FGF14: variants seen among roughly 807,000 people sequenced by gnomAD.
FGF14 encodes the protein fibroblast growth factor 14.
FGF14 carries 5 observed loss-of-function variants against 25.5 expected under a neutral mutation model. That is an observed-to-expected ratio of 0.20 (90% CI 0.10 to 0.41). The LOEUF (loss-of-function observed/expected upper bound fraction) is 0.41. Among genes scored for constraint, FGF14 ranks in the 10% least tolerant of loss-of-function variants. The pLI is 1.00. For missense variants in FGF14, 222 were observed against 320.1 expected (o/e 0.69, Z 2.34); for synonymous variants, 138 against 118.3 (o/e 1.17, Z -1.08).
intron 1 of FGF14, among the ~76,000 whole-genome samples, chr13:101,913,929 A>G (rs2033210558): frequency 6.6e-6 from 1 of 151,896 alleles, no homozygotes; most frequent in Non-Finnish European, 1.5e-5. Flanking sequence ...CATGTTTGTG[A>G]GCTCCATGAT....
At chr13:101,724,837 A>G (rs1274451906) in intron 4 of FGF14, among the ~76,000 whole-genome samples, 1 of 151,420 alleles carries the variant, frequency 6.6e-6, no homozygotes, top group African/African-American at 2.4e-5. Flanking sequence ...TAATTTTTTG[A>G]AAACATAAAA....
intron 1 of FGF14, among the ~76,000 whole-genome samples, chr13:102,262,328 A>C (rs1458676366): frequency 6.6e-6 from 1 of 152,162 alleles, no homozygotes; most frequent in African/African-American, 2.4e-5. Context: ...ATTCAGAATC[A>C]TTATTTCCTA....
chr13:101,934,887 G>T (rs912157), intron 1 of FGF14, among the ~76,000 whole-genome samples: 6,463 of 152,082 alleles, frequency 0.042, 357 homozygotes, highest in African/African-American at 0.13. Flanking sequence ...TTTTAATATT[G>T]TTCAGTGAGG....
At chr13:102,258,312 CAT>C (rs751636011) in intron 1 of FGF14, among the ~76,000 whole-genome samples, 82 of 152,162 alleles carry the variant, frequency 5.4e-4, no homozygotes, top group Non-Finnish European at 9.9e-4. Context: ...CTTCAGCCCA[CAT>C]GTGAGGGACA....
chr13:102,005,184 C>T (rs2039715102), intron 1 of FGF14, among the ~76,000 whole-genome samples: 1 of 152,148 alleles, frequency 6.6e-6, no homozygotes, highest in African/African-American at 2.4e-5. Flanking sequence ...GCAAGTTTTG[C>T]TTTAGTACCT....
intron 1 of FGF14, among the ~76,000 whole-genome samples, chr13:102,091,497 T>G (rs7336195): frequency 0.016 from 2,378 of 152,282 alleles, 79 homozygotes; most frequent in African/African-American, 0.054. Flanking sequence ...TGGCAGCAGC[T>G]GAATACAGTT....
chr13:101,916,727 A>C lies in FGF14; in HGVS notation c.-82T>G. The C allele has an allele frequency of 7.8e-7, 1 of 1,275,324 alleles. No individual in the cohort carries two copies. The highest frequency in any genetic ancestry group is 1.0e-6 in the Non-Finnish European group (1 of 952,766). 79.0% of individuals were successfully genotyped at this position (1,275,324 alleles called of 1,614,324 possible). ...GCACCGGAGGGGAAGGCGGCGGCGCAGACCGTGGCTCGCCCTCGGGGCAGA... is the reference window on the plus strand; with the variant it reads ...GCACCGGAGGGGAAGGCGGCGGCGCCGACCGTGGCTCGCCCTCGGGGCAGA... On this transcript the variant is annotated 5_prime_UTR_variant, in exon 1 of 5. Coordinates refer to ENST00000376143, the MANE Select transcript of FGF14 (RefSeq NM_004115.4).
intron 1 of FGF14, among the ~76,000 whole-genome samples, chr13:101,915,237 TA>T (rs537118072): frequency 5.3e-5 from 8 of 151,196 alleles, no homozygotes; most frequent in South Asian, 4.2e-4. Flanking sequence ...CATTAGCCTT[TA>T]AAAAAAAAGC....
chr13:101,740,181 G>A (rs768445414), intron 3 of FGF14, among the ~76,000 whole-genome samples: 6 of 152,158 alleles, frequency 3.9e-5, no homozygotes, highest in South Asian at 2.1e-4. Flanking sequence ...GTAGCTTGCC[G>A]ATGTTCCCAG....
chr13:101,930,278 T>C (rs2034660444), intron 1 of FGF14, among the ~76,000 whole-genome samples: 1 of 152,192 alleles, frequency 6.6e-6, no homozygotes, highest in Non-Finnish European at 1.5e-5. Flanking sequence ...AACTTCAGTA[T>C]AGCTTTTTAG....
chr13:102,354,957 C>A (rs533008306), intron 1 of FGF14, among the ~76,000 whole-genome samples: 13 of 152,102 alleles, frequency 8.5e-5, no homozygotes, highest in Non-Finnish European at 1.9e-4. Flanking sequence ...TCAGCTGCAG[C>A]TGGTCATACC....
At chr13:102,099,867 T>C (rs906616073) in intron 1 of FGF14, among the ~76,000 whole-genome samples, 1 of 152,196 alleles carries the variant, frequency 6.6e-6, no homozygotes, top group Non-Finnish European at 1.5e-5. Flanking sequence ...AGCAATGGGA[T>C]ATTTGATATT....
intron 3 of FGF14, among the ~76,000 whole-genome samples, chr13:101,849,618 T>C (rs2043643760): frequency 6.6e-6 from 1 of 152,046 alleles, no homozygotes; most frequent in Non-Finnish European, 1.5e-5. Flanking sequence ...TAGACAAATA[T>C]GAGGAAACAT....
intron 1 of FGF14, among the ~76,000 whole-genome samples, chr13:102,364,098 T>A (rs535079704): frequency 3.6e-4 from 55 of 152,348 alleles, no homozygotes; most frequent in African/African-American, 1.3e-3. Context: ...TTATTGCTAC[T>A]TTTTTATTAT....
At chr13:101,968,027 T>C (rs1291424658) in intron 1 of FGF14, among the ~76,000 whole-genome samples, 8 of 152,224 alleles carry the variant, frequency 5.3e-5, no homozygotes, top group African/African-American at 1.7e-4. Context: ...TGTAGCTCTC[T>C]GCTAACACTT....
rs1566764889 is a variant in FGF14, at chr13:102,161,635, AAGAAGAAGAAGAAGAAGAAG to A, written c.208+239816_208+239835del. Among the ~76,000 whole-genome samples the A allele has an allele frequency of 6.1e-4, 7 of 11,414 alleles. 2 individuals are homozygous for A. The highest frequency in any genetic ancestry group is 1.4e-3 in the Admixed American group (1 of 712). The allele number at this position is 11,414 out of a possible 152,430, so 7.5% of individuals were successfully genotyped here. A position where few individuals can be genotyped will look rare whatever the true frequency, so the allele number is the denominator to read the frequency against. ...GAAGAAGAAGAAGAAGAAGAAGAAG[AAGAAGAAGAAGAAGAAGAAG>A]AAGAAGAAGAAGAAGAAGAAGAAGA... On this transcript the variant is annotated intron_variant, in intron 1 of 4. Transcript: ENST00000376131.
At chr13:102,286,466 T>G (rs2054103833) in intron 1 of FGF14, among the ~76,000 whole-genome samples, 1 of 152,224 alleles carries the variant, frequency 6.6e-6, no homozygotes, top group Non-Finnish European at 1.5e-5. Context: ...CTTCTCTGCA[T>G]GAGTAACTAA....
At chr13:102,211,256 TATATCTATTTTCATTCCAAAAAAATAC>T (rs2050146409) in intron 1 of FGF14, among the ~76,000 whole-genome samples, 1 of 152,140 alleles carries the variant, frequency 6.6e-6, no homozygotes, top group Admixed American at 6.5e-5. Flanking sequence ...CTTAAATCCC[TATATCTATTTTCATTCCAAAAAAATAC>T]ATATTAATAA....
chr13:102,023,595 C>T (rs1441555058), intron 1 of FGF14, among the ~76,000 whole-genome samples: 1 of 152,022 alleles, frequency 6.6e-6, no homozygotes, highest in Non-Finnish European at 1.5e-5. Context: ...TCAATCATTT[C>T]TTAATCTTCC....
Sources: gnomAD v4.1 joint callset for allele counts (sites outside exome capture counted in the v4.1 genomes callset) on GRCh38, gnomAD v4.1.1 for gene constraint, MANE v1.5 for transcripts, NCBI Gene and HGNC (gene_info 2026-07-23, HGNC 2026-07-21) for gene names.